USP24: variants seen among roughly 807,000 people sequenced by gnomAD.
USP24 encodes ubiquitin carboxyl-terminal hydrolase 24.
A neutral mutation model predicts 361.6 loss-of-function variants in USP24; 97 were observed. The ratio of observed to expected loss-of-function variants is 0.27; its 90% confidence interval spans 0.23 to 0.32. The LOEUF is 0.32. Ranked by LOEUF, USP24 falls within the 10% of genes least tolerant of loss-of-function variation. USP24 has a pLI of 1.00. For missense variants in USP24, 2,353 were observed against 3,165.6 expected (o/e 0.74, Z 6.16); for synonymous variants, 1,098 against 1,124.6 (o/e 0.98, Z 0.47).
chr1:55,097,513 G>GA, intron 48 of USP24, 85 bp downstream of exon 48: 1 of 1,488,374 alleles, frequency 6.7e-7, no homozygotes, highest in South Asian at 1.4e-5. Flanking sequence ...ATGGTAGACA[G>GA]AATATGAAAA....
At position 55,152,242 on chromosome 1, in the gene USP24, G is replaced by A. The variant is rs72913308; in HGVS notation, c.1860+1628C>T. ...ATAAAAAAGAAAGAATATTCCTTTC[G>A]AGTCTCACAAAATAACTCCAAAAAT... is the stretch of plus-strand genomic sequence containing the variant. On this transcript the variant is annotated intron_variant, in intron 16 of 67. Coordinates refer to ENST00000294383, the MANE Select transcript of USP24 (RefSeq NM_015306.3). 6.1e-3 allele frequency among the ~76,000 whole-genome samples: 921 copies of A among 152,194 alleles called. 8 individuals are homozygous for A. The highest frequency in any genetic ancestry group is 0.021 in the African/African-American group (867 of 41,522).
chr1:55,166,417 C>CA (rs1436581644), intron 6 of USP24, 151 bp downstream of exon 6: 5 of 777,274 alleles, frequency 6.4e-6, no homozygotes, highest in African/African-American at 1.8e-5. Context: ...ATTGTACATA[C>CA]AAAAAAAGGA....
intron 45 of USP24, 145 bp from the exon 46 acceptor site, chr1:55,098,703 A>G (rs1342553774): frequency 1.5e-6 from 1 of 652,914 alleles, no homozygotes; most frequent in Non-Finnish European, 2.8e-6. Flanking sequence ...GGCTAAACCC[A>G]TTATTGGCCC....
chr1:55,071,507 A>C, intron 67 of USP24: 2 of 1,114,834 alleles, frequency 1.8e-6, no homozygotes, highest in Non-Finnish European at 2.2e-6. Context: ...AGGCAGAATA[A>C]AGTGAACAAG....
chr1:55,209,214 T>C (rs1029372375), intron 1 of USP24, among the ~76,000 whole-genome samples: 6 of 152,224 alleles, frequency 3.9e-5, no homozygotes, highest in Non-Finnish European at 4.4e-5. Flanking sequence ...TCCTCACATC[T>C]GAATTTTCCA....
intron 1 of USP24, among the ~76,000 whole-genome samples, chr1:55,180,240 G>A (rs928474967): frequency 3.3e-5 from 5 of 152,274 alleles, no homozygotes; most frequent in African/African-American, 1.2e-4. Context: ...GTGTGTGCAT[G>A]CCTCGGTGAA....
intron 10 of USP24, among the ~76,000 whole-genome samples, chr1:55,158,241 C>T (rs1418416781): frequency 6.6e-6 from 1 of 152,182 alleles, no homozygotes; most frequent in African/African-American, 2.4e-5. Context: ...GGCTAGTAAA[C>T]CTTTCATTCA....
At chr1:55,094,116 T>C (rs780196489) in intron 51 of USP24, 29 bp from the exon 52 acceptor site, 55 of 1,579,578 alleles carry the variant, frequency 3.5e-5, no homozygotes, top group Non-Finnish European at 4.5e-5. Context: ...AAACTCTGTC[T>C]AGTATAAAGT....
intron 60 of USP24, among the ~76,000 whole-genome samples, chr1:55,079,006 A>AC (rs763716976): frequency 1.3e-5 from 2 of 152,074 alleles, no homozygotes; most frequent in Non-Finnish European, 2.9e-5. Context: ...AAAAAAAAAA[A>AC]CCAGAATTAT....
rs531215729 is a variant in USP24 at position 55,146,882 on chromosome 1, T to C, written c.2250+47A>G. ...TGTGAGACACACAGAAAAAGTGAAA[T>C]ATTTAAATATTTCTGCCTTACTTTA... is the stretch of plus-strand genomic sequence containing the variant. On this transcript the variant is annotated intron_variant, in intron 19 of 67. Coordinates refer to ENST00000294383, the MANE Select transcript of USP24 (RefSeq NM_015306.3). 21 of 1,602,552 alleles carry C rather than the reference T, an allele frequency of 1.3e-5. No homozygotes were observed. In the East Asian group the frequency reaches 2.7e-4, roughly 21 times the overall value.
intron 61 of USP24, among the ~76,000 whole-genome samples, chr1:55,077,628 A>G (rs1270254663): frequency 2.0e-5 from 3 of 152,244 alleles, no homozygotes; most frequent in Non-Finnish European, 4.4e-5. Flanking sequence ...AGATGCTGGT[A>G]GAGCTACAAG....
intron 38 of USP24, among the ~76,000 whole-genome samples, chr1:55,116,613 G>A (rs1452046752): frequency 1.3e-5 from 2 of 149,736 alleles, no homozygotes; most frequent in Non-Finnish European, 3.0e-5. Flanking sequence ...ATTGAATCAG[G>A]AAGAAACAGA....
At chr1:55,163,811 A>G (rs191638564) in intron 7 of USP24, among the ~76,000 whole-genome samples, 40 of 152,050 alleles carry the variant, frequency 2.6e-4, no homozygotes, top group African/African-American at 9.6e-4. Context: ...TGGGATGCAA[A>G]ATCTGCATCC....
rs372218799 is a variant in USP24, at chr1:55,115,474, C to A, written c.4508+5122G>T. Among the ~76,000 whole-genome samples, 410 of 113,294 alleles carry A rather than the reference C, an allele frequency of 3.6e-3. 3 individuals are homozygous for A. Among genetic ancestry groups the A allele is most frequent in the African/African-American group, 0.014 (397 of 28,786 alleles). 74.3% of individuals were successfully genotyped at this position (113,294 alleles called of 152,430 possible). A position where few individuals can be genotyped will look rare whatever the true frequency, so the allele number is the denominator to read the frequency against. ...TCCCGCCACTGCACTCCAGCCTGGG[C>A]GACAGAGCGAGACTCCGCCTCAAAA... On this transcript the variant is annotated intron_variant, in intron 38 of 67. Transcript: ENST00000294383.
chr1:55,182,137 C>T (rs145677765), intron 1 of USP24, among the ~76,000 whole-genome samples: 191 of 152,314 alleles, frequency 1.3e-3, no homozygotes, highest in African/African-American at 4.4e-3. Context: ...CAGCAACTTC[C>T]GCTTCCCGGG....
chr1:55,152,125 T>C (rs1647215395), intron 16 of USP24: 1 of 322,502 alleles, frequency 3.1e-6, no homozygotes, highest in African/African-American at 2.2e-5. Context: ...AAGCACTTAG[T>C]AAACTGAAAA....
chr1:55,078,700 A>G (rs1557529828), intron 60 of USP24, 49 bp from the exon 61 acceptor site: 1 of 1,442,652 alleles, frequency 6.9e-7, no homozygotes, highest in Non-Finnish European at 9.4e-7. Flanking sequence ...CACAGTTAAC[A>G]CTCCATCTGT....
Position 55,214,814 on chromosome 1 carries a change from G to A in USP24, c.300C>T (p.Ala100=), listed in dbSNP as rs768515041. 9.0e-6 allele frequency: 11 copies of A among 1,223,208 alleles called. No individual in the cohort carries two copies. The highest frequency in any genetic ancestry group is 1.1e-5 in the Non-Finnish European group (11 of 972,990). 75.8% of individuals were successfully genotyped at this position (1,223,208 alleles called of 1,614,324 possible). Residue 100 remains alanine, a synonymous_variant, in exon 1 of 68, where the codon GCC becomes GCT. Transcript: ENST00000294383. ...GGGGGFDPPP[A]YHEVVDAEKN... ...CCTCCGCGTCCACCACCTCGTGGTA[G>A]GCGGGCGGGGGGTCGAAGCCGCCCC... is the stretch of plus-strand genomic sequence containing the variant.
intron 39 of USP24, among the ~76,000 whole-genome samples, chr1:55,107,921 C>G (rs1196489669): frequency 1.3e-5 from 2 of 151,528 alleles, no homozygotes; most frequent in African/African-American, 4.9e-5. Context: ...CAGCTGCTGC[C>G]CACAGGGAAT....
Sources: allele counts gnomAD v4.1 joint callset (sites outside exome capture counted in the v4.1 genomes callset), GRCh38; gene constraint gnomAD v4.1.1; transcripts MANE v1.5; gene names NCBI Gene and HGNC (gene_info 2026-07-23, HGNC 2026-07-21).